The following TRPM2 variants were observed in gnomAD, a reference collection of about 807,000 sequenced individuals.
TRPM2 encodes the protein estrogen-responsive element-associated gene 1 protein.
A neutral mutation model predicts 174.0 loss-of-function variants in TRPM2; 161 were observed. The observed-to-expected ratio is 0.93, with a 90% CI of 0.81 to 1.05. The LOEUF (loss-of-function observed/expected upper bound fraction) is 1.05. Ranked by LOEUF, TRPM2 falls within the 50% of genes least tolerant of loss-of-function variation. The pLI, the probability that TRPM2 is intolerant of heterozygous loss-of-function variation, is 0.00. For synonymous variants in TRPM2, 954 were observed against 861.3 expected (o/e 1.11, Z -1.88); for missense variants, 2,057 against 2,038.0 (o/e 1.01, Z -0.18).
intron 2 of TRPM2, 124 bp from the exon 3 acceptor site, chr21:44,363,990 G>A: frequency 9.9e-7 from 1 of 1,010,310 alleles, no homozygotes; most frequent in Non-Finnish European, 1.4e-6. Flanking sequence ...GGCTGGAAGG[G>A]CAGGTGCTTT....
intron 22 of TRPM2, among the ~76,000 whole-genome samples, chr21:44,419,773 G>GTGA (rs2050469430): frequency 7.3e-6 from 1 of 136,664 alleles, no homozygotes; most frequent in Admixed American, 7.3e-5. Flanking sequence ...GGTGGTGGTG[G>GTGA]TGGTGATGGT....
At chr21:44,433,253 G>A (rs1024825831) in intron 27 of TRPM2, among the ~76,000 whole-genome samples, 2 of 152,256 alleles carry the variant, frequency 1.3e-5, no homozygotes, top group African/African-American at 4.8e-5. Context: ...GCAGGGCCCT[G>A]GGGCCCAGAG....
chr21:44,354,855 T>C lies in TRPM2; in HGVS notation c.254+119T>C. 5.8e-6 allele frequency: 5 copies of C among 865,654 alleles called. No homozygotes were observed. Among genetic ancestry groups the C allele is most frequent in the Non-Finnish European group, 9.7e-6 (5 of 517,756 alleles). 53.6% of individuals were successfully genotyped at this position (865,654 alleles called of 1,614,324 possible). Reference sequence around the variant, plus strand: ...TGAAGGGTCACTGGAGATACCTCTGTCTCCATACGAGGCTTAGAGTCCACA... The same window carrying C: ...TGAAGGGTCACTGGAGATACCTCTGCCTCCATACGAGGCTTAGAGTCCACA... On this transcript the variant is annotated intron_variant, in intron 2 of 31. Coordinates refer to ENST00000397928, the MANE Select transcript of TRPM2 (RefSeq NM_003307.4). This position sits in a 1 kb window ranked among gnomAD's most constrained non-coding sequence, Gnocchi z 4.3.
At chr21:44,412,712 T>C (rs1315792187) in intron 19 of TRPM2, among the ~76,000 whole-genome samples, 3 of 151,984 alleles carry the variant, frequency 2.0e-5, no homozygotes, top group Non-Finnish European at 4.4e-5. Context: ...AAATGTCCTT[T>C]CAATCAAAGA....
At chr21:44,419,933 G>GTGGTGC in intron 22 of TRPM2, among the ~76,000 whole-genome samples, 1 of 143,852 alleles carries the variant, frequency 7.0e-6, no homozygotes, top group South Asian at 2.2e-4. Flanking sequence ...GATGGTAGTG[G>GTGGTGC]TGGTGCTGGT....
chr21:44,421,316 TAA>T (rs572004137), intron 22 of TRPM2, among the ~76,000 whole-genome samples: 3 of 142,802 alleles, frequency 2.1e-5, no homozygotes, highest in Non-Finnish European at 1.5e-5. Flanking sequence ...AGACTCCACC[TAA>T]AAAAAAAAAA....
chr21:44,414,129 G>A, intron 20 of TRPM2, 55 bp downstream of exon 20: 2 of 1,576,356 alleles, frequency 1.3e-6, no homozygotes, highest in Non-Finnish European at 8.6e-7. Context: ...GCGTTCCTGG[G>A]CCGCAGTGGC....
At chr21:44,389,368 T>G (rs2146234906) in intron 9 of TRPM2, among the ~76,000 whole-genome samples, 1 of 152,346 alleles carries the variant, frequency 6.6e-6, no homozygotes, top group African/African-American at 2.4e-5. Context: ...TTGGGGCTAT[T>G]ATGAATAAAG....
chr21:44,436,332 C>T (rs924886433), intron 28 of TRPM2, among the ~76,000 whole-genome samples: 8 of 152,158 alleles, frequency 5.3e-5, no homozygotes, highest in African/African-American at 1.9e-4. Flanking sequence ...GGACCTCCCC[C>T]CAGCGGAGGG....
At chr21:44,427,920 G>A (rs1327080512) in intron 27 of TRPM2, among the ~76,000 whole-genome samples, 1 of 152,142 alleles carries the variant, frequency 6.6e-6, no homozygotes, top group East Asian at 1.9e-4. Context: ...GGACGGGCAA[G>A]GGCGGGTGTT....
intron 5 of TRPM2, among the ~76,000 whole-genome samples, chr21:44,370,755 G>T (rs2048514805): frequency 6.6e-6 from 1 of 152,206 alleles, no homozygotes; most frequent in Admixed American, 6.5e-5. Flanking sequence ...GGTCGGACTG[G>T]ACCAGCTGTT....
chr21:44,393,384 C>T (rs1235106551), intron 11 of TRPM2, among the ~76,000 whole-genome samples: 1 of 151,886 alleles, frequency 6.6e-6, no homozygotes, highest in Non-Finnish European at 1.5e-5. Context: ...TGTTTTTATC[C>T]CTGTTTTGAA....
chr21:44,381,922 AAG>A (rs1270356481), intron 8 of TRPM2, among the ~76,000 whole-genome samples: 3 of 151,350 alleles, frequency 2.0e-5, no homozygotes, highest in Non-Finnish European at 4.4e-5. Context: ...AAAAAAAAAA[AAG>A]ATGAATGAAT....
intron 11 of TRPM2, 58 bp from the exon 12 acceptor site, chr21:44,395,356 G>A (rs1458701645): frequency 1.4e-5 from 22 of 1,589,030 alleles, no homozygotes; most frequent in Admixed American, 5.2e-5. Flanking sequence ...GACAGGCTCC[G>A]CCAGTGACTC....
At chr21:44,419,927 G>A (rs1414701598) in intron 22 of TRPM2, among the ~76,000 whole-genome samples, 1 of 139,820 alleles carries the variant, frequency 7.2e-6, no homozygotes, top group African/African-American at 2.7e-5. Context: ...GGTAGTGATG[G>A]TAGTGGTGGT....
At chr21:44,425,630 C>G in intron 24 of TRPM2, 40 bp from the exon 25 acceptor site, 2 of 1,447,578 alleles carry the variant, frequency 1.4e-6, no homozygotes, top group African/African-American at 1.4e-5. Flanking sequence ...CACCTGAGCC[C>G]GGGCTCCGCC....
At chr21:44,410,455 A>G (rs2050068179) in intron 19 of TRPM2, among the ~76,000 whole-genome samples, 2 of 66,490 alleles carry the variant, frequency 3.0e-5, no homozygotes, top group African/African-American at 8.9e-5. Context: ...TTTTGACCGC[A>G]CTGTCTTGGT....
At position 44,418,968 on chromosome 21, in the gene TRPM2, C is replaced by T. The variant is rs117870028; in HGVS notation, c.3461+413C>T. Among the ~76,000 whole-genome samples the T allele has an allele frequency of 8.8e-4, 134 of 152,314 alleles. 1 individual carries two copies. The East Asian group carries it at 0.016, about 18-fold the overall frequency. On this transcript the variant is annotated intron_variant, in intron 22 of 31. Transcript: ENST00000397928. ...TGCAGGACCTCGGCAGCCCAGCCCT[C>T]GGGGTCAGCCATGCTCAGCACCGTC...
At chr21:44,416,771 TCTG>T (rs2050296474) in intron 20 of TRPM2, 1 of 205,220 alleles carries the variant, frequency 4.9e-6, no homozygotes, top group African/African-American at 2.4e-5. Flanking sequence ...TGGGCATGGC[TCTG>T]CTCTCTGTGG....
Sources: allele counts gnomAD v4.1 joint callset (sites outside exome capture counted in the v4.1 genomes callset), GRCh38; gene constraint gnomAD v4.1.1; non-coding constraint Gnocchi (gnomAD v3.1); transcripts MANE v1.5; gene names NCBI Gene and HGNC (gene_info 2026-07-23, HGNC 2026-07-21).